The following IFT88 variants were observed in gnomAD, a reference collection of about 807,000 sequenced individuals.
IFT88 encodes the protein intraflagellar transport protein 88 homolog.
IFT88 carries 74 observed loss-of-function variants against 119.5 expected under a neutral mutation model. That is an observed-to-expected ratio of 0.62 (90% CI 0.51 to 0.75). The LOEUF (loss-of-function observed/expected upper bound fraction) is 0.75. IFT88 is among the 30% of genes least tolerant of loss of function. The probability of loss-of-function intolerance (pLI) is 0.00; values close to 1 mark genes in which losing one functional copy is unlikely to be tolerated. For synonymous variants in IFT88, 279 were observed against 316.7 expected, an observed-to-expected ratio of 0.88 and a Z score of 1.26; for missense variants, 961 against 977.7, an observed-to-expected ratio of 0.98 and a Z score of 0.23.
chr13:20,615,123 T>C (rs928739805), intron 13 of IFT88, among the ~76,000 whole-genome samples: 1 of 152,184 alleles, frequency 6.6e-6, no homozygotes, highest in Non-Finnish European at 1.5e-5. Flanking sequence ...CCTGGAAAGA[T>C]TATTTCTATA....
chr13:20,606,462 C>T (rs2043477572), intron 13 of IFT88, among the ~76,000 whole-genome samples: 2 of 152,196 alleles, frequency 1.3e-5, no homozygotes. Context: ...GGATTTCCAC[C>T]TTCACCTGGC....
At position 20,592,369 on chromosome 13, in the gene IFT88, C is replaced by T. The variant is rs1428230691; in HGVS notation, c.363C>T (p.Gly121=). 5.6e-6 allele frequency: 9 copies of T among 1,610,974 alleles called. No individual in the cohort carries two copies. Among genetic ancestry groups the T allele is most frequent in the African/African-American group, 1.3e-5 (1 of 74,706 alleles). ...SAFDPLSQSR[G]PASPLEAKKK... ...TTGACCCCCTTAGTCAGTCAAGGGG[C>T]CCTGCTTCCCCTTTGGAAGCCAAGA... is the stretch of plus-strand genomic sequence containing the variant. Residue 121 remains glycine (G), a synonymous_variant, in exon 7 of 26, where the codon GGC becomes GGT. Coordinates refer to ENST00000351808, the MANE Select transcript of IFT88 (RefSeq NM_006531.5).
At chr13:20,632,291 G>A (rs1156854773) in intron 16 of IFT88, among the ~76,000 whole-genome samples, 2 of 152,058 alleles carry the variant, frequency 1.3e-5, no homozygotes, top group African/African-American at 4.8e-5. Context: ...GAAATGATCC[G>A]AGATTTAATT....
In IFT88 at chr13:20,579,198, G is replaced by A. The variant is rs370754214; in HGVS notation, c.91-3759G>A. On this transcript the variant is annotated intron_variant, in intron 2 of 25. Transcript: ENST00000351808. ...TTTTCACTGTATCCCACAGCTTTTG[G>A]TGAAACCAGCCAGGCTTGTATCCTT... is the stretch of plus-strand genomic sequence containing the variant. Among the ~76,000 whole-genome samples, 117 of 152,184 alleles carry A rather than the reference G, an allele frequency of 7.7e-4. 2 individuals carry two copies. In the South Asian group the frequency reaches 0.021, roughly 27 times the overall value.
intron 11 of IFT88, 50 bp from the exon 12 acceptor site, chr13:20,601,655 A>G (rs764204654): frequency 2.4e-6 from 3 of 1,241,000 alleles, no homozygotes; most frequent in Non-Finnish European, 3.5e-6. Context: ...TTTGAATGCC[A>G]TACTAAAGAG....
At chr13:20,570,989 T>G (rs2036242771) in intron 1 of IFT88, among the ~76,000 whole-genome samples, 2 of 152,026 alleles carry the variant, frequency 1.3e-5, no homozygotes, top group Admixed American at 1.3e-4. Context: ...TATTTATTTA[T>G]TTTTATTATT....
chr13:20,640,571 AAAAT>A (rs57789982), intron 17 of IFT88, among the ~76,000 whole-genome samples: 8,142 of 144,252 alleles, frequency 0.056, 400 homozygotes, highest in African/African-American at 0.13. Context: ...ACTCCGTCTC[AAAAT>A]AAATAAATAA....
At chr13:20,570,177 A>G (rs924057649) in intron 1 of IFT88, among the ~76,000 whole-genome samples, 3 of 152,212 alleles carry the variant, frequency 2.0e-5, no homozygotes, top group African/African-American at 7.2e-5. Context: ...ATGAGATACC[A>G]TTTCATACTC....
At position 20,643,346 on chromosome 13, in the gene IFT88, A is replaced by AT. The variant is rs1594564359; in HGVS notation, c.1683-108dup. ...AGATATCCAGAGGAAACAGTATACA[A>AT]TAGCACATTACTGTAGGCTAAGAAA... is the stretch of plus-strand genomic sequence containing the variant. On this transcript the variant is annotated intron_variant, in intron 18 of 25. Coordinates refer to ENST00000351808, the MANE Select transcript of IFT88 (RefSeq NM_006531.5). 13 of 806,952 alleles carry AT rather than the reference A, an allele frequency of 1.6e-5. No homozygotes were observed. In the South Asian group the frequency reaches 2.1e-4, roughly 13 times the overall value. The allele number at this position is 806,952 out of a possible 1,614,324, so 50.0% of individuals were successfully genotyped here. A position where few individuals can be genotyped will look rare whatever the true frequency, so the allele number is the denominator to read the frequency against.
intron 13 of IFT88, 126 bp downstream of exon 13, chr13:20,605,231 A>G: frequency 2.3e-6 from 1 of 434,960 alleles, no homozygotes; most frequent in Non-Finnish European, 4.1e-6. Flanking sequence ...AAAGGGTTGA[A>G]TGTGCATTCT....
chr13:20,592,350 C>T lies in IFT88; in HGVS notation c.344C>T (p.Pro115Leu). The T allele has an allele frequency of 1.2e-6, 2 of 1,611,188 alleles. No individual in the cohort carries two copies. The highest frequency in any genetic ancestry group is 1.7e-5 in the Admixed American group (1 of 59,394). The change falls in exon 7 of 26, where the codon CCC (proline) becomes CTC (leucine). Residue 115 changes from proline to leucine, a missense_variant. Coordinates refer to ENST00000351808, the MANE Select transcript of IFT88 (RefSeq NM_006531.5). ...KAALRGSAFD[P>L]LSQSRGPASP... ...TGTGTCTCAGGCTCTGCATTTGACC[C>T]CCTTAGTCAGTCAAGGGGCCCTGCT...
intron 13 of IFT88, among the ~76,000 whole-genome samples, chr13:20,611,231 C>A (rs1225779057): frequency 8.6e-5 from 13 of 151,530 alleles, no homozygotes; most frequent in African/African-American, 2.7e-4. Context: ...AACAAAAAGT[C>A]CAACAAGAAA....
rs201076403 is a variant in IFT88, at chr13:20,599,468, A to G, written c.715A>G (p.Met239Val). 70 of 1,345,514 alleles carry G rather than the reference A, an allele frequency of 5.2e-5. No individual in the cohort carries two copies. The highest frequency in any genetic ancestry group is 1.9e-4 in the Middle Eastern group (1 of 5,392). 83.3% of individuals were successfully genotyped at this position (1,345,514 alleles called of 1,614,324 possible). The change falls in exon 11 of 26, where the codon ATG (methionine) becomes GTG (valine). Residue 239 changes from methionine to valine, a missense_variant. Transcript: ENST00000351808. Reference protein sequence around the residue: ...FSNAGILKMNMGNIYLKQRNY... With the variant: ...FSNAGILKMNVGNIYLKQRNY... ...TAAATTAGGAATATTGAAAATGAAT[A>G]TGGGAAATATCTATTTAAAGCAAAG...
chr13:20,618,616 T>A (rs1212969595), intron 14 of IFT88, among the ~76,000 whole-genome samples: 1 of 152,174 alleles, frequency 6.6e-6, no homozygotes, highest in Non-Finnish European at 1.5e-5. Flanking sequence ...TGCCACTGAC[T>A]GAGGAGCTCA....
rs200723099 is a variant in IFT88 at position 20,618,862 on chromosome 13, T to C, written c.1199+2983T>C. The stretch of plus-strand genomic sequence containing the variant: ...TATGATTAAATTATTTTTTTTTCCC[T>C]TTTTTTTTTTTGAGATGGAGTCTCA... On this transcript the variant is annotated intron_variant, in intron 14 of 25. Coordinates refer to ENST00000351808, the MANE Select transcript of IFT88 (RefSeq NM_006531.5). 0.018 allele frequency among the ~76,000 whole-genome samples: 22 copies of C among 1,232 alleles called. No individual in the cohort carries two copies. The East Asian group carries it at 0.5, about 28-fold the overall frequency. 0.8% of individuals were successfully genotyped at this position (1,232 alleles called of 152,430 possible).
At chr13:20,593,092 CAT>C (rs2040990573) in intron 7 of IFT88, among the ~76,000 whole-genome samples, 1 of 152,048 alleles carries the variant, frequency 6.6e-6, no homozygotes, top group African/African-American at 2.4e-5. Context: ...TAAGAGAACA[CAT>C]ATGAAATTAA....
intron 13 of IFT88, 115 bp from the exon 14 acceptor site, chr13:20,615,678 G>A (rs974423203): frequency 3.8e-6 from 2 of 533,006 alleles, no homozygotes; most frequent in African/African-American, 2.0e-5. Flanking sequence ...CCATTGTTTA[G>A]TAGGCTTTTG....
intron 24 of IFT88, among the ~76,000 whole-genome samples, chr13:20,674,600 T>C (rs933813340): frequency 2.0e-5 from 3 of 151,704 alleles, no homozygotes; most frequent in African/African-American, 7.3e-5. Context: ...GAAAATAATT[T>C]TATAATGAAA....
intron 24 of IFT88, among the ~76,000 whole-genome samples, chr13:20,672,017 C>T (rs1163869779): frequency 6.6e-6 from 1 of 152,138 alleles, no homozygotes; most frequent in Non-Finnish European, 1.5e-5. Context: ...GGTCCCCATG[C>T]TCAAAGAAGT....
Sources: gnomAD v4.1 joint callset for allele counts (sites outside exome capture counted in the v4.1 genomes callset) on GRCh38, gnomAD v4.1.1 for gene constraint, MANE v1.5 for transcripts, NCBI Gene and HGNC (gene_info 2026-07-23, HGNC 2026-07-21) for gene names.